The following SHLD1 variants were observed in gnomAD, a reference collection of about 807,000 sequenced individuals.
The protein encoded by SHLD1 is shieldin complex subunit 1.
SHLD1 carries 3 observed loss-of-function variants against 5.5 expected under a neutral mutation model. The observed-to-expected ratio is 0.54, with a 90% CI of 0.25 to 1.40. The LOEUF (loss-of-function observed/expected upper bound fraction) is 1.40. SHLD1 is among the 40% of genes most tolerant of loss of function. SHLD1 has a pLI of 0.15. For missense variants in SHLD1, 210 were observed against 244.4 expected, an observed-to-expected ratio of 0.86 and a Z score of 0.94; for synonymous variants, 92 against 94.3, an observed-to-expected ratio of 0.98 and a Z score of 0.14.
In SHLD1 at chr20:5,795,470, G is replaced by A. The variant is rs183239782; in HGVS notation, c.178+22427G>A. On this transcript the variant is annotated intron_variant, in intron 2 of 2. Transcript: ENST00000303142. ...AAAAATTAGCTGGATGTGGTGGCACGTGCCTGTAATCCCAGCTACTTGGGA... is the reference window on the plus strand; with the variant it reads ...AAAAATTAGCTGGATGTGGTGGCACATGCCTGTAATCCCAGCTACTTGGGA... Among the ~76,000 whole-genome samples, 797 of 151,480 alleles carry A rather than the reference G, an allele frequency of 5.3e-3. 4 individuals carry two copies. Among genetic ancestry groups the A allele is most frequent in the African/African-American group, 0.011 (443 of 41,266 alleles).
At chr20:5,834,428 A>G (rs6053733) in intron 2 of SHLD1, among the ~76,000 whole-genome samples, 52,239 of 152,064 alleles carry the variant, frequency 0.34, 9,382 homozygotes, top group East Asian at 0.5. Flanking sequence ...CAGCTGGGTT[A>G]CATTCTAATT....
At position 5,850,455 on chromosome 20, in the gene SHLD1, G is replaced by A. The variant is rs146637765; in HGVS notation, c.179-12569G>A. ...CCTCCCTGAAGTAACTTTCTTCCTCGACCTGGTCTGTCTGAGGATGACTTG... is the reference window on the plus strand; with the variant it reads ...CCTCCCTGAAGTAACTTTCTTCCTCAACCTGGTCTGTCTGAGGATGACTTG... On this transcript the variant is annotated intron_variant, in intron 2 of 2. Coordinates refer to ENST00000303142, the MANE Select transcript of SHLD1 (RefSeq NM_152504.4). 1.5e-3 allele frequency among the ~76,000 whole-genome samples: 221 copies of A among 151,274 alleles called. 1 individual carries two copies. Among genetic ancestry groups the A allele is most frequent in the African/African-American group, 5.3e-3 (217 of 41,300 alleles).
intron 2 of SHLD1, among the ~76,000 whole-genome samples, chr20:5,846,393 A>G (rs548349547): frequency 2.0e-5 from 3 of 152,314 alleles, no homozygotes; most frequent in Admixed American, 6.5e-5. Flanking sequence ...CATCATCTTA[A>G]TTAGCTGCTC....
At chr20:5,839,595 A>G (rs1004278078) in intron 2 of SHLD1, among the ~76,000 whole-genome samples, 1 of 152,238 alleles carries the variant, frequency 6.6e-6, no homozygotes, top group South Asian at 2.1e-4. Context: ...ACATGTTCAG[A>G]TAACAGAAAA....
intron 2 of SHLD1, among the ~76,000 whole-genome samples, chr20:5,805,785 G>A (rs1180830572): frequency 1.3e-5 from 2 of 151,964 alleles, no homozygotes; most frequent in African/African-American, 4.8e-5. Context: ...ATTTTTGGTA[G>A]AGACAGGGTT....
At chr20:5,766,761 A>G (rs1984852242) in intron 1 of SHLD1, among the ~76,000 whole-genome samples, 1 of 152,042 alleles carries the variant, frequency 6.6e-6, no homozygotes, top group Non-Finnish European at 1.5e-5. Flanking sequence ...TTCTTTTTAA[A>G]ATTAATTATA....
chr20:5,818,225 G>T (rs1253413737), intron 2 of SHLD1, among the ~76,000 whole-genome samples: 1 of 151,906 alleles, frequency 6.6e-6, no homozygotes, highest in African/African-American at 2.4e-5. Context: ...ACAGACACCT[G>T]CCACCACGCC....
At chr20:5,798,977 A>T (rs564022778) in intron 2 of SHLD1, among the ~76,000 whole-genome samples, 33 of 152,204 alleles carry the variant, frequency 2.2e-4, no homozygotes, top group African/African-American at 7.5e-4. Flanking sequence ...TGAGCCCAGG[A>T]GTTTGAGACC....
intron 2 of SHLD1, among the ~76,000 whole-genome samples, chr20:5,829,529 C>CA (rs1207036283): frequency 6.6e-6 from 1 of 152,114 alleles, no homozygotes; most frequent in Non-Finnish European, 1.5e-5. Flanking sequence ...GGAAAACCTG[C>CA]AAAAAAATTG....
intron 2 of SHLD1, among the ~76,000 whole-genome samples, chr20:5,862,054 T>A (rs1234108446): frequency 1.3e-5 from 2 of 152,148 alleles, no homozygotes; most frequent in African/African-American, 4.8e-5. Flanking sequence ...CTCTTCCTCC[T>A]CTTATAAGGA....
rs1211451691 is a variant in SHLD1 at position 5,764,139 on chromosome 20, A to ATAT, written c.-4-8723_-4-8722insTAT. Among the ~76,000 whole-genome samples the ATAT allele has an allele frequency of 2.2e-3, 206 of 95,666 alleles. 3 individuals carry two copies. The highest frequency in any genetic ancestry group is 7.4e-3 in the African/African-American group (154 of 20,948). 62.8% of individuals were successfully genotyped at this position (95,666 alleles called of 152,430 possible). A position where few individuals can be genotyped will look rare whatever the true frequency, so the allele number is the denominator to read the frequency against. The stretch of plus-strand genomic sequence containing the variant: ...AAGGCTCTGTCTCAAAAAAAAAAAA[A>ATAT]ATATATATATATTTATATTTATATA... On this transcript the variant is annotated intron_variant, in intron 1 of 2. Coordinates refer to ENST00000303142, the MANE Select transcript of SHLD1 (RefSeq NM_152504.4).
At chr20:5,858,321 AG>A (rs1285991543) in intron 2 of SHLD1, among the ~76,000 whole-genome samples, 1 of 152,128 alleles carries the variant, frequency 6.6e-6, no homozygotes, top group African/African-American at 2.4e-5. Flanking sequence ...TGTTTCACGG[AG>A]ATGAAACCCT....
At chr20:5,857,108 TG>T (rs2088097755) in intron 2 of SHLD1, among the ~76,000 whole-genome samples, 1 of 152,100 alleles carries the variant, frequency 6.6e-6, no homozygotes, top group Non-Finnish European at 1.5e-5. Context: ...CCCGAGTAGC[TG>T]GGACTGCAGG....
At chr20:5,763,089 C>A (rs1984565183) in intron 1 of SHLD1, among the ~76,000 whole-genome samples, 1 of 151,844 alleles carries the variant, frequency 6.6e-6, no homozygotes, top group African/African-American at 2.4e-5. Context: ...GGCGGATCAC[C>A]TGAGGTCAGG....
intron 2 of SHLD1, among the ~76,000 whole-genome samples, chr20:5,797,674 T>G (rs2087232323): frequency 6.6e-6 from 1 of 152,232 alleles, no homozygotes; most frequent in Non-Finnish European, 1.5e-5. Context: ...GTGATGGGCA[T>G]GTAAAATTGT....
At chr20:5,831,412 G>A (rs529373956) in intron 2 of SHLD1, among the ~76,000 whole-genome samples, 17 of 152,100 alleles carry the variant, frequency 1.1e-4, no homozygotes, top group African/African-American at 2.7e-4. Context: ...ATAGTTTAGC[G>A]GTTAATACTA....
intron 2 of SHLD1, among the ~76,000 whole-genome samples, chr20:5,833,728 G>T (rs1012136418): frequency 2.6e-5 from 4 of 151,504 alleles, no homozygotes; most frequent in Non-Finnish European, 5.9e-5. Context: ...AGAGAAAATA[G>T]TTTTCTGGAA....
At chr20:5,816,864 G>A (rs1485721756) in intron 2 of SHLD1, among the ~76,000 whole-genome samples, 1 of 152,184 alleles carries the variant, frequency 6.6e-6, no homozygotes, top group Non-Finnish European at 1.5e-5. Flanking sequence ...GAGCTCAGGA[G>A]TTCAAGACCA....
intron 2 of SHLD1, among the ~76,000 whole-genome samples, chr20:5,797,570 A>T (rs1225713597): frequency 7.7e-5 from 2 of 25,842 alleles, no homozygotes; most frequent in Non-Finnish European, 9.1e-5. Flanking sequence ...CTCAAAAAAG[A>T]AGAAGAAGAA....
Sources: allele counts gnomAD v4.1 joint callset (sites outside exome capture counted in the v4.1 genomes callset), GRCh38; gene constraint gnomAD v4.1.1; transcripts MANE v1.5; gene names NCBI Gene and HGNC (gene_info 2026-07-23, HGNC 2026-07-21).